Variants in ROBO2 observed in about 807,000 individuals in gnomAD.
ROBO2 encodes roundabout guidance receptor 2.
In ROBO2, 53 loss-of-function variants were observed where a neutral mutation model predicts 160.8. That is an observed-to-expected ratio of 0.33 (90% CI 0.26 to 0.41). The LOEUF (loss-of-function observed/expected upper bound fraction) is 0.41. Ranked by LOEUF, ROBO2 falls within the 10% of genes least tolerant of loss-of-function variation. The pLI, the probability that ROBO2 is intolerant of heterozygous loss-of-function variation, is 1.00. For missense variants in ROBO2, 1,577 were observed against 1,722.4 expected, an observed-to-expected ratio of 0.92 and a Z score of 1.49; for synonymous variants, 664 against 611.7, an observed-to-expected ratio of 1.09 and a Z score of -1.26.
intron 2 of ROBO2, among the ~76,000 whole-genome samples, chr3:76,909,284 A>G (rs531416669): frequency 7.9e-5 from 12 of 152,326 alleles, no homozygotes; most frequent in African/African-American, 2.6e-4. Flanking sequence ...GAAATAAACC[A>G]AAATAGGATC....
chr3:76,353,585 A>G (rs567442829), intron 2 of ROBO2, among the ~76,000 whole-genome samples: 5 of 152,012 alleles, frequency 3.3e-5, no homozygotes, highest in African/African-American at 7.2e-5. Context: ...TTAGGCAGAC[A>G]TCAATAGGTG....
chr3:76,740,218 G>A (rs2093779977), intron 2 of ROBO2, among the ~76,000 whole-genome samples: 1 of 152,150 alleles, frequency 6.6e-6, no homozygotes, highest in South Asian at 2.1e-4. Context: ...AGATAAAAAG[G>A]AGAAAAATGT....
At chr3:77,221,382 G>A (rs562327017) in intron 2 of ROBO2, among the ~76,000 whole-genome samples, 1 of 152,320 alleles carries the variant, frequency 6.6e-6, no homozygotes, top group South Asian at 2.1e-4. Flanking sequence ...ACTTCAGCCA[G>A]TTTAAATTAA....
At chr3:76,017,937 T>C (rs2066452224) in intron 2 of ROBO2, among the ~76,000 whole-genome samples, 1 of 152,072 alleles carries the variant, frequency 6.6e-6, no homozygotes, top group Non-Finnish European at 1.5e-5. Context: ...AGAAAAATGT[T>C]TTGTTAGATT....
At chr3:76,864,151 T>A (rs2071109846) in intron 2 of ROBO2, among the ~76,000 whole-genome samples, 1 of 152,062 alleles carries the variant, frequency 6.6e-6, no homozygotes, top group African/African-American at 2.4e-5. Context: ...TTTTAAAAAA[T>A]TATAAATGCT....
At chr3:76,541,338 C>T (rs1189577625) in intron 2 of ROBO2, among the ~76,000 whole-genome samples, 1 of 152,164 alleles carries the variant, frequency 6.6e-6, no homozygotes, top group African/African-American at 2.4e-5. Context: ...ATTTATGACA[C>T]AGCTATGCTT....
intron 4 of ROBO2, among the ~76,000 whole-genome samples, chr3:77,487,517 T>C (rs2085514912): frequency 6.6e-6 from 1 of 152,186 alleles, no homozygotes; most frequent in South Asian, 2.1e-4. Context: ...CAGGATTTAT[T>C]TAATCACATT....
chr3:76,889,416 G>C (rs890062928), intron 2 of ROBO2, among the ~76,000 whole-genome samples: 9 of 152,272 alleles, frequency 5.9e-5, no homozygotes, highest in Admixed American at 1.3e-4. Context: ...TCATAGATTA[G>C]GGATGATTCC....
At chr3:77,506,671 T>C (rs1355816990) in intron 5 of ROBO2, among the ~76,000 whole-genome samples, 1 of 152,062 alleles carries the variant, frequency 6.6e-6, no homozygotes, top group Non-Finnish European at 1.5e-5. Flanking sequence ...CAGTAAAGAA[T>C]AAATAATCTG....
At chr3:77,001,219 C>T (rs2149418706) in intron 2 of ROBO2, among the ~76,000 whole-genome samples, 1 of 152,242 alleles carries the variant, frequency 6.6e-6, no homozygotes, top group Middle Eastern at 3.4e-3. Context: ...TACTTTAAAG[C>T]AGACGCATTT....
intron 2 of ROBO2, among the ~76,000 whole-genome samples, chr3:76,318,360 A>G (rs952797442): frequency 5.9e-5 from 9 of 152,078 alleles, no homozygotes; most frequent in Non-Finnish European, 1.2e-4. Context: ...GTTGAAAAAC[A>G]TATTAATGCA....
intron 2 of ROBO2, among the ~76,000 whole-genome samples, chr3:77,449,092 A>T (rs1471270752): frequency 1.3e-5 from 2 of 152,102 alleles, no homozygotes; most frequent in African/African-American, 2.4e-5. Context: ...AGATATGCTA[A>T]TTGCTTACAT....
intron 2 of ROBO2, among the ~76,000 whole-genome samples, chr3:77,353,749 G>T (rs1254558439): frequency 6.6e-6 from 1 of 152,040 alleles, no homozygotes; most frequent in Non-Finnish European, 1.5e-5. Context: ...GGCCTCAAGT[G>T]ATCTGCCTGC....
intron 2 of ROBO2, among the ~76,000 whole-genome samples, chr3:76,687,616 A>G (rs1485725325): frequency 6.6e-6 from 1 of 152,078 alleles, no homozygotes; most frequent in Non-Finnish European, 1.5e-5. Context: ...ACAGAACAGA[A>G]CAACAATATG....
intron 5 of ROBO2, among the ~76,000 whole-genome samples, chr3:77,515,353 G>A (rs375269799): frequency 1.3e-5 from 2 of 151,632 alleles, no homozygotes; most frequent in Admixed American, 6.6e-5. Context: ...TGAGGAAGCC[G>A]AAAGAGCTTG....
intron 2 of ROBO2, among the ~76,000 whole-genome samples, chr3:77,034,592 G>C (rs1413040144): frequency 6.6e-6 from 1 of 151,830 alleles, no homozygotes; most frequent in Non-Finnish European, 1.5e-5. Flanking sequence ...GGGAGAATAA[G>C]CAATTTTTTT....
chr3:77,386,442 T>C (rs1221149036), intron 2 of ROBO2, among the ~76,000 whole-genome samples: 1 of 152,136 alleles, frequency 6.6e-6, no homozygotes. Flanking sequence ...TTAACTGTAA[T>C]TCAGACTGTG....
rs977823042 is a variant in ROBO2 at position 77,487,279 on chromosome 3, T to G, written c.668-5965T>G. Among the ~76,000 whole-genome samples, 5 of 152,144 alleles carry G rather than the reference T, an allele frequency of 3.3e-5. No individual in the cohort carries two copies. The East Asian group carries it at 9.6e-4, about 29-fold the overall frequency. On this transcript the variant is annotated intron_variant, in intron 4 of 25. Transcript: ENST00000461745. ...TTTATTGAGCATCTGCTATGTCCCA[T>G]GCCCTGTTTAAGTGCTTAAATACTA...
chr3:76,981,029 T>C (rs2060071020), intron 2 of ROBO2, among the ~76,000 whole-genome samples: 1 of 152,254 alleles, frequency 6.6e-6, no homozygotes. Context: ...TCATTCGTTT[T>C]CGTCGCCTAA....
Sources: allele counts gnomAD v4.1 joint callset (sites outside exome capture counted in the v4.1 genomes callset), GRCh38; gene constraint gnomAD v4.1.1; transcripts MANE v1.5; gene names NCBI Gene and HGNC (gene_info 2026-07-23, HGNC 2026-07-21).